JAM2: variants seen among roughly 807,000 people sequenced by gnomAD.
The protein encoded by JAM2 is junctional adhesion molecule 2, also known as junctional adhesion molecule B.
Under a neutral mutation model 42.0 loss-of-function variants are expected in JAM2, and 17 were observed. The ratio of observed to expected loss-of-function variants is 0.40; its 90% confidence interval spans 0.28 to 0.61. The LOEUF (loss-of-function observed/expected upper bound fraction) is 0.61, where lower values mean the gene tolerates loss of function less well. Ranked by LOEUF, JAM2 falls within the 20% of genes least tolerant of loss-of-function variation. The pLI is 0.37. For missense variants in JAM2, 319 were observed against 358.3 expected, an observed-to-expected ratio of 0.89 and a Z score of 0.89; for synonymous variants, 118 against 128.6, an observed-to-expected ratio of 0.92 and a Z score of 0.56.
chr21:25,687,625 C>T (rs536006950), intron 2 of JAM2, among the ~76,000 whole-genome samples: 106 of 152,282 alleles, frequency 7.0e-4, no homozygotes, highest in African/African-American at 2.5e-3. Flanking sequence ...TACTACAAAC[C>T]AGGTGACTTA....
At chr21:25,647,351 G>A (rs2032643496) in intron 1 of JAM2, among the ~76,000 whole-genome samples, 1 of 152,046 alleles carries the variant, frequency 6.6e-6, no homozygotes, top group Non-Finnish European at 1.5e-5. Flanking sequence ...AAAAGAAATA[G>A]TTCCAGTATA....
At chr21:25,709,633 AC>A in intron 8 of JAM2, 184 bp downstream of exon 8, 1 of 431,164 alleles carries the variant, frequency 2.3e-6, no homozygotes, top group Non-Finnish European at 4.3e-6. Flanking sequence ...GTAAGAAAAT[AC>A]CCGAGACTGG....
At chr21:25,706,377 T>C (rs1400425137) in intron 7 of JAM2, among the ~76,000 whole-genome samples, 1 of 152,178 alleles carries the variant, frequency 6.6e-6, no homozygotes, top group Non-Finnish European at 1.5e-5. Flanking sequence ...AGATGGGGTT[T>C]CGCTATGTTG....
chr21:25,645,806 A>T (rs2032592295), intron 1 of JAM2, among the ~76,000 whole-genome samples: 1 of 152,216 alleles, frequency 6.6e-6, no homozygotes, highest in South Asian at 2.1e-4. Flanking sequence ...CTACAAACCT[A>T]TACAGCATGT....
chr21:25,674,711 G>A (rs992758386), intron 1 of JAM2, among the ~76,000 whole-genome samples: 16 of 151,652 alleles, frequency 1.1e-4, no homozygotes, highest in African/African-American at 3.9e-4. Flanking sequence ...GGAAGGGCCA[G>A]ATTGTCTAGT....
chr21:25,657,872 C>T (rs753026249), intron 1 of JAM2, among the ~76,000 whole-genome samples: 3 of 152,106 alleles, frequency 2.0e-5, no homozygotes, highest in Non-Finnish European at 4.4e-5. Context: ...TTAGAATTCT[C>T]ATTGGTTAGA....
intron 2 of JAM2, among the ~76,000 whole-genome samples, chr21:25,687,379 G>A (rs2033773817): frequency 6.6e-6 from 1 of 152,316 alleles, no homozygotes; most frequent in East Asian, 1.9e-4. Flanking sequence ...CGGAGTATAT[G>A]GTAGAGGTCT....
chr21:25,639,775 C>A lies in JAM2; in HGVS notation c.-47C>A, dbSNP rs1422541214. On this transcript the variant is annotated 5_prime_UTR_variant, in exon 1 of 10. Coordinates refer to ENST00000480456, the MANE Select transcript of JAM2 (RefSeq NM_021219.4). Reference sequence around the variant, plus strand: ...CCCCCGGCCTCCTGCGCTCCTGCCGCCGGGACCCTCGACCTCCTCAGAGCA... The same window carrying A: ...CCCCCGGCCTCCTGCGCTCCTGCCGACGGGACCCTCGACCTCCTCAGAGCA... The A allele has an allele frequency of 6.3e-6, 9 of 1,425,590 alleles. No homozygotes were observed. Among genetic ancestry groups the A allele is most frequent in the Admixed American group, 2.0e-5 (1 of 49,072 alleles). 88.3% of individuals were successfully genotyped at this position (1,425,590 alleles called of 1,614,324 possible).
chr21:25,672,765 T>G (rs1211982188), intron 1 of JAM2, among the ~76,000 whole-genome samples: 1 of 152,230 alleles, frequency 6.6e-6, no homozygotes, highest in Admixed American at 6.5e-5. Context: ...CTCTTTGCCA[T>G]TACGCCAAGT....
In JAM2 at chr21:25,679,715, G is replaced by A. The variant is rs930397562; in HGVS notation, c.68-4168G>A. Among the ~76,000 whole-genome samples, 4 of 152,110 alleles carry A rather than the reference G, an allele frequency of 2.6e-5. No individual in the cohort carries two copies. In the East Asian group the frequency reaches 5.8e-4, roughly 22 times the overall value. On this transcript the variant is annotated intron_variant, in intron 1 of 9. Coordinates refer to ENST00000480456, the MANE Select transcript of JAM2 (RefSeq NM_021219.4). ...GCCTCTTAGCTTCCACCTTCCTTTTGTGCTTCAGAGCCAGTCTTTTGCCTT... is the reference window on the plus strand; with the variant it reads ...GCCTCTTAGCTTCCACCTTCCTTTTATGCTTCAGAGCCAGTCTTTTGCCTT...
chr21:25,663,986 G>A (rs1371348513), intron 1 of JAM2, among the ~76,000 whole-genome samples: 1 of 151,978 alleles, frequency 6.6e-6, no homozygotes, highest in African/African-American at 2.4e-5. Context: ...TTCATTACTA[G>A]TTCTCTTACC....
chr21:25,698,009 CCTCT>C (rs1461848561), intron 4 of JAM2, among the ~76,000 whole-genome samples: 6 of 151,342 alleles, frequency 4.0e-5, no homozygotes, highest in East Asian at 3.9e-4. Context: ...CCTCTCTCTC[CCTCT>C]CTCTCATTAG....
chr21:25,663,864 T>C (rs2033151731), intron 1 of JAM2, among the ~76,000 whole-genome samples: 1 of 152,228 alleles, frequency 6.6e-6, no homozygotes, highest in Non-Finnish European at 1.5e-5. Context: ...AAGGGGTCTC[T>C]CCTACCCAAA....
intron 1 of JAM2, among the ~76,000 whole-genome samples, chr21:25,666,780 C>T (rs558469347): frequency 6.6e-6 from 1 of 152,276 alleles, no homozygotes; most frequent in African/African-American, 2.4e-5. Context: ...ATCCTCCCAC[C>T]TCCATCTCTC....
chr21:25,674,691 C>CT (rs1426097825), intron 1 of JAM2, among the ~76,000 whole-genome samples: 3 of 151,570 alleles, frequency 2.0e-5, no homozygotes, highest in Admixed American at 6.6e-5. Context: ...ATACCAATGT[C>CT]TCATTAAGAG....
rs554676010 is a variant in JAM2, at chr21:25,695,429, C to T, written c.394+1521C>T. 2.0e-3 allele frequency among the ~76,000 whole-genome samples: 299 copies of T among 152,348 alleles called. 2 individuals carry two copies. Among genetic ancestry groups the T allele is most frequent in the African/African-American group, 7.0e-3 (292 of 41,586 alleles). On this transcript the variant is annotated intron_variant, in intron 4 of 9. Transcript: ENST00000480456. ...TTTCTCTATCTTTTCCCCACATTTC[C>T]CCCTTTTCTATTCGACAAAACCGCC...
chr21:25,670,734 A>C (rs976700975), intron 1 of JAM2, among the ~76,000 whole-genome samples: 4 of 152,174 alleles, frequency 2.6e-5, no homozygotes, highest in African/African-American at 9.6e-5. Flanking sequence ...AGAAAAGGGA[A>C]ATTGTGGTTC....
chr21:25,682,246 T>A (rs979028846), intron 1 of JAM2, among the ~76,000 whole-genome samples: 1 of 152,238 alleles, frequency 6.6e-6, no homozygotes, highest in Admixed American at 6.5e-5. Flanking sequence ...TTAAATTATT[T>A]TTAAACGTGG....
intron 5 of JAM2, among the ~76,000 whole-genome samples, chr21:25,699,162 T>C (rs1437203011): frequency 6.6e-6 from 1 of 152,194 alleles, no homozygotes; most frequent in Admixed American, 6.5e-5. Flanking sequence ...AGGCTGTGTG[T>C]TTATCTTTTC....
Sources: allele counts gnomAD v4.1 joint callset (sites outside exome capture counted in the v4.1 genomes callset), GRCh38; gene constraint gnomAD v4.1.1; transcripts MANE v1.5; gene names NCBI Gene and HGNC (gene_info 2026-07-23, HGNC 2026-07-21).